SUCLA2: variants seen among roughly 807,000 people sequenced by gnomAD.
SUCLA2 encodes the protein succinate-CoA ligase ADP-forming subunit beta, also known as succinate--CoA ligase [ADP-forming] subunit beta, mitochondrial.
In SUCLA2, 30 loss-of-function variants were observed where a neutral mutation model predicts 54.8. The ratio of observed to expected loss-of-function variants is 0.55; its 90% confidence interval spans 0.41 to 0.74. SUCLA2 has a LOEUF of 0.74. SUCLA2 is among the 30% of genes least tolerant of loss of function. The pLI, the probability that SUCLA2 is intolerant of heterozygous loss-of-function variation, is 0.00. For missense variants in SUCLA2, 476 were observed against 562.9 expected, an observed-to-expected ratio of 0.85 and a Z score of 1.56; for synonymous variants, 172 against 188.9, an observed-to-expected ratio of 0.91 and a Z score of 0.74.
intron 5 of SUCLA2, chr13:47,971,580 G>C (rs981830788): frequency 1.1e-5 from 3 of 267,822 alleles, no homozygotes; most frequent in Non-Finnish European, 2.0e-5. Flanking sequence ...TGGAGGGGAA[G>C]CAGCACACAA....
At chr13:47,999,445 A>T (rs948676885) in intron 1 of SUCLA2, among the ~76,000 whole-genome samples, 1 of 152,164 alleles carries the variant, frequency 6.6e-6, no homozygotes, top group African/African-American at 2.4e-5. Context: ...CGGTGGCTCA[A>T]GCTTGTAATC....
At chr13:47,979,627 G>C (rs1411365138) in intron 4 of SUCLA2, among the ~76,000 whole-genome samples, 2 of 151,980 alleles carry the variant, frequency 1.3e-5, no homozygotes, top group Non-Finnish European at 2.9e-5. Flanking sequence ...CCCAGAACTT[G>C]AGTATAATAA....
intron 5 of SUCLA2, 148 bp downstream of exon 5, chr13:47,973,116 C>T: frequency 1.5e-6 from 1 of 684,424 alleles, no homozygotes; most frequent in Non-Finnish European, 2.5e-6. Flanking sequence ...TAAATAATTC[C>T]AAAATGAGCT....
chr13:47,974,834 TACTGACAGGAA>T (rs1008833447), intron 4 of SUCLA2, among the ~76,000 whole-genome samples: 6 of 152,210 alleles, frequency 3.9e-5, no homozygotes, highest in Non-Finnish European at 7.4e-5. Flanking sequence ...AAAGATTGTT[TACTGACAGGAA>T]ACTACTGATC....
intron 10 of SUCLA2, among the ~76,000 whole-genome samples, chr13:47,947,180 T>C (rs1373409490): frequency 1.3e-5 from 2 of 152,084 alleles, no homozygotes; most frequent in Admixed American, 6.6e-5. Context: ...ACAACTTACA[T>C]GAACTGAACT....
At chr13:47,954,693 T>A (rs1949804983) in intron 6 of SUCLA2, 136 bp from the exon 7 acceptor site, 1 of 989,464 alleles carries the variant, frequency 1.0e-6, no homozygotes, top group African/African-American at 1.6e-5. Flanking sequence ...TCAATTTATG[T>A]TCACTATGAA....
intron 10 of SUCLA2, among the ~76,000 whole-genome samples, chr13:47,943,743 T>C (rs1271248171): frequency 1.6e-5 from 2 of 124,832 alleles, no homozygotes; most frequent in African/African-American, 6.5e-5. Flanking sequence ...TGTGTGTATG[T>C]ATGTGTGTGT....
chr13:47,971,729 T>C lies in SUCLA2; in HGVS notation c.663+1535A>G, dbSNP rs192190678. On this transcript the variant is annotated intron_variant, in intron 5 of 10. Coordinates refer to ENST00000646932, the MANE Select transcript of SUCLA2 (RefSeq NM_003850.3). ...AAACCACAGCTCTATTATGGAGATA[T>C]ATAAGACAGTGTCCCATCCATTCTA... 1.2e-3 allele frequency: 455 copies of C among 393,510 alleles called. 1 individual carries two copies. The highest frequency in any genetic ancestry group is 0.011 in the Middle Eastern group (17 of 1,568). 24.4% of individuals were successfully genotyped at this position (393,510 alleles called of 1,614,324 possible). A position where few individuals can be genotyped will look rare whatever the true frequency, so the allele number is the denominator to read the frequency against.
At chr13:47,988,373 C>G in intron 4 of SUCLA2, 168 bp downstream of exon 4, 1 of 698,820 alleles carries the variant, frequency 1.4e-6, no homozygotes. Flanking sequence ...AATTTTACGG[C>G]ATTAAAGAAG....
Position 47,999,549 on chromosome 13 carries a change from T to C in SUCLA2, c.90+1631A>G, listed in dbSNP as rs529386611. On this transcript the variant is annotated intron_variant, in intron 1 of 10. Transcript: ENST00000646932. ...GGTGAAACCCCGTCTTTACTAAAAA[T>C]ACAAAAAATTAGCCGGACGTGGTGG... 1.0e-3 allele frequency among the ~76,000 whole-genome samples: 157 copies of C among 151,926 alleles called. 1 individual carries two copies. The highest frequency in any genetic ancestry group is 3.7e-3 in the African/African-American group (154 of 41,438).
At position 47,973,066 on chromosome 13, in the gene SUCLA2, G is replaced by C. The variant is rs560506074; in HGVS notation, c.663+198C>G. Among the ~76,000 whole-genome samples the C allele has an allele frequency of 2.5e-3, 374 of 152,156 alleles. 1 individual carries two copies. Among genetic ancestry groups the C allele is most frequent in the African/African-American group, 8.2e-3 (340 of 41,546 alleles). On this transcript the variant is annotated intron_variant, in intron 5 of 10. Transcript: ENST00000646932. ...TGCCCGGCCAGTGACTCTTTTAAAA[G>C]AATCCACATTGAAATATTTATAGAG...
chr13:47,949,138 A>G (rs1274756049), intron 9 of SUCLA2, 110 bp from the exon 10 acceptor site: 6 of 1,054,388 alleles, frequency 5.7e-6, no homozygotes, highest in Non-Finnish European at 8.8e-6. Flanking sequence ...GGAGACTTCC[A>G]TTATTTAGTA....
intron 6 of SUCLA2, 134 bp downstream of exon 6, chr13:47,968,461 T>G: frequency 1.0e-6 from 1 of 971,338 alleles, no homozygotes; most frequent in Non-Finnish European, 1.5e-6. Context: ...ATATTCATTC[T>G]ATCTGATTTT....
At chr13:47,944,540 AT>A (rs1422767812) in intron 10 of SUCLA2, among the ~76,000 whole-genome samples, 1 of 152,004 alleles carries the variant, frequency 6.6e-6, no homozygotes, top group African/African-American at 2.4e-5. Flanking sequence ...GTTATAACCT[AT>A]TTATTACCTT....
At chr13:47,947,549 G>A (rs994095970) in intron 10 of SUCLA2, among the ~76,000 whole-genome samples, 3 of 152,094 alleles carry the variant, frequency 2.0e-5, no homozygotes, top group African/African-American at 2.4e-5. Flanking sequence ...CAATAGCAAC[G>A]CTTTGCAACA....
At chr13:47,953,937 A>G (rs1949796434) in intron 8 of SUCLA2, among the ~76,000 whole-genome samples, 1 of 152,170 alleles carries the variant, frequency 6.6e-6, no homozygotes, top group South Asian at 2.1e-4. Context: ...GACAGATTAC[A>G]CAAACATTAA....
At position 47,949,487 on chromosome 13, in the gene SUCLA2, T is replaced by C. The variant is rs1949759894; in HGVS notation, c.1224A>G (p.Leu408=). 6.2e-7 allele frequency: 1 copy of C among 1,613,416 alleles called. No individual in the cohort carries two copies. The highest frequency in any genetic ancestry group is 1.1e-5 in the South Asian group (1 of 91,080). ...CAAGATACCTTTTATACTCACCTTGTAACCGTACCACAACAGGTATTTTAA... is the reference window on the plus strand; with the variant it reads ...CAAGATACCTTTTATACTCACCTTGCAACCGTACCACAACAGGTATTTTAA... ...LEIKIPVVVR[L]QGTRVDDAKA... is the part of the protein sequence containing the mutation. The change falls in exon 9 of 11, where the codon TTA becomes TTG. Residue 408 remains leucine (L), a synonymous_variant. Transcript: ENST00000646932.
At chr13:47,996,539 GTAGT>G (rs959163916) in intron 2 of SUCLA2, among the ~76,000 whole-genome samples, 2 of 151,842 alleles carry the variant, frequency 1.3e-5, no homozygotes, top group Non-Finnish European at 2.9e-5. Context: ...AAGCTCCAGA[GTAGT>G]TAGAGTGGTA....
Position 47,954,166 on chromosome 13 carries a change from A to T in SUCLA2, c.1081T>A (p.Phe361Ile). Reference sequence around the variant, plus strand: ...TTTTTATCTGAAGTGATAAGCTTAAATGCTTCTGTTACTTGATGGACTGTA... The same window carrying T: ...TTTTTATCTGAAGTGATAAGCTTAATTGCTTCTGTTACTTGATGGACTGTA... ...GATVHQVTEA[F>I]KLITSDKKVL... The change falls in exon 8 of 11, where the codon TTT becomes ATT. Residue 361 changes from phenylalanine to isoleucine, a missense_variant. This residue lies in a region of SUCLA2 where 342 missense variants were observed against 444.2 expected (regional missense o/e 0.77). Coordinates refer to ENST00000646932, the MANE Select transcript of SUCLA2 (RefSeq NM_003850.3). 1 of 1,613,724 alleles carries T rather than the reference A, an allele frequency of 6.2e-7. No individual in the cohort carries two copies. The highest frequency in any genetic ancestry group is 1.1e-5 in the South Asian group (1 of 91,072).
Sources: gnomAD v4.1 joint callset for allele counts (sites outside exome capture counted in the v4.1 genomes callset) on GRCh38, gnomAD v4.1.1 for gene constraint, gnomAD v4.1.1 regional missense constraint, MANE v1.5 for transcripts, NCBI Gene and HGNC (gene_info 2026-07-23, HGNC 2026-07-21) for gene names.